The following PXDNL variants were observed in gnomAD, a reference collection of about 807,000 sequenced individuals.
PXDNL encodes the protein peroxidasin like.
PXDNL carries 145 observed loss-of-function variants against 150.8 expected under a neutral mutation model. That is an observed-to-expected ratio of 0.96 (90% CI 0.84 to 1.10). The LOEUF (loss-of-function observed/expected upper bound fraction) is 1.10, where lower values mean the gene tolerates loss of function less well. PXDNL is among the 50% of genes least tolerant of loss of function. The probability of loss-of-function intolerance (pLI) is 0.00; values close to 1 mark genes in which losing one functional copy is unlikely to be tolerated. For synonymous variants in PXDNL, 757 were observed against 725.7 expected (o/e 1.04, Z -0.69); for missense variants, 2,087 against 1,873.9 (o/e 1.11, Z -2.10).
intron 7 of PXDNL, among the ~76,000 whole-genome samples, chr8:51,473,164 C>T (rs372090078): frequency 1.3e-4 from 20 of 151,932 alleles, no homozygotes; most frequent in Non-Finnish European, 2.8e-4. Flanking sequence ...AAAAATTCAA[C>T]GTCAGTTATG....
chr8:51,371,587 C>G (rs138753018), intron 19 of PXDNL, among the ~76,000 whole-genome samples: 59 of 152,294 alleles, frequency 3.9e-4, no homozygotes, highest in African/African-American at 1.4e-3. Context: ...GGCATTTGAT[C>G]TTTGGTGCAG....
chr8:51,514,300 A>G (rs1441540089), intron 4 of PXDNL, among the ~76,000 whole-genome samples: 1 of 152,208 alleles, frequency 6.6e-6, no homozygotes, highest in African/African-American at 2.4e-5. Context: ...ATAAAATTGC[A>G]AAAAAGACTA....
chr8:51,498,243 G>T (rs1811103050), intron 5 of PXDNL, among the ~76,000 whole-genome samples: 1 of 141,380 alleles, frequency 7.1e-6, no homozygotes, highest in Admixed American at 7.5e-5. Flanking sequence ...AGAACACATG[G>T]ACACAGGAAG....
chr8:51,321,171 A>C, intron 21 of PXDNL: 1 of 301,624 alleles, frequency 3.3e-6, no homozygotes, highest in African/African-American at 2.2e-5. Flanking sequence ...AAGGGGAATT[A>C]AAATCAAATG....
chr8:51,596,800 T>C (rs1813577961), intron 2 of PXDNL, among the ~76,000 whole-genome samples: 1 of 152,188 alleles, frequency 6.6e-6, no homozygotes, highest in Admixed American at 6.5e-5. Context: ...AGATCCTAGA[T>C]AGTAGACCTT....
intron 12 of PXDNL, among the ~76,000 whole-genome samples, chr8:51,428,219 AT>A (rs537137105): frequency 6.6e-6 from 1 of 152,240 alleles, no homozygotes; most frequent in Non-Finnish European, 1.5e-5. Context: ...AAAATCAAAG[AT>A]TTAAAAAAAT....
intron 3 of PXDNL, among the ~76,000 whole-genome samples, chr8:51,572,343 G>A (rs963064882): frequency 1.3e-5 from 2 of 151,700 alleles, no homozygotes; most frequent in Non-Finnish European, 2.9e-5. Context: ...CCACACTTAA[G>A]CAAAATATAG....
intron 1 of PXDNL, among the ~76,000 whole-genome samples, chr8:51,723,591 C>T (rs552005049): frequency 1.6e-4 from 24 of 152,204 alleles, no homozygotes; most frequent in Non-Finnish European, 3.4e-4. Context: ...TGTGCATTTC[C>T]TCAGTCACAG....
At chr8:51,700,562 A>G (rs1816235552) in intron 1 of PXDNL, among the ~76,000 whole-genome samples, 1 of 106,684 alleles carries the variant, frequency 9.4e-6, no homozygotes, top group Non-Finnish European at 2.0e-5. Flanking sequence ...ATACATACAC[A>G]TTTACATATA....
chr8:51,668,138 A>G (rs973636995), intron 1 of PXDNL, among the ~76,000 whole-genome samples: 2 of 148,462 alleles, frequency 1.3e-5, no homozygotes, highest in Non-Finnish European at 3.0e-5. Context: ...CTCTTCCACA[A>G]GTTTTTACCA....
chr8:51,635,937 G>C (rs980277841), intron 2 of PXDNL, among the ~76,000 whole-genome samples: 1 of 152,002 alleles, frequency 6.6e-6, no homozygotes, highest in African/African-American at 2.4e-5. Flanking sequence ...TAGTAATAGT[G>C]ATGCAAAAAT....
In PXDNL at chr8:51,339,695, T is replaced by G. The variant is rs1805933785; in HGVS notation, c.4075A>C (p.Thr1359Pro). 6.2e-7 allele frequency: 1 copy of G among 1,613,442 alleles called. No homozygotes were observed. The highest frequency in any genetic ancestry group is 1.7e-5 in the Admixed American group (1 of 59,944). The stretch of plus-strand genomic sequence containing the variant: ...GTGCTGAAATCTTGGGAGAACTTTG[T>G]TTTTGCCAGAACTGTCACATTTCTA... Reference protein sequence around the residue: ...DARNVTVLAKTKFSQDFSTFA... With the variant: ...DARNVTVLAKPKFSQDFSTFA... The change falls in exon 21 of 23, where the codon ACA (threonine) becomes CCA (proline). Residue 1359 changes from threonine to proline, a missense_variant. By Grantham distance (38) the Thr-to-Pro change is conservative. Transcript: ENST00000356297.
At chr8:51,759,994 T>G (rs1381985828) in intron 1 of PXDNL, among the ~76,000 whole-genome samples, 2 of 152,228 alleles carry the variant, frequency 1.3e-5, no homozygotes, top group Admixed American at 6.5e-5. Context: ...CTATCAGTTC[T>G]GAGGCTACTC....
At chr8:51,399,221 T>C (rs557285370) in intron 17 of PXDNL, among the ~76,000 whole-genome samples, 1 of 152,320 alleles carries the variant, frequency 6.6e-6, no homozygotes, top group African/African-American at 2.4e-5. Flanking sequence ...CTAGAAATTA[T>C]ACTGTTAGGT....
intron 2 of PXDNL, among the ~76,000 whole-genome samples, chr8:51,608,054 A>AAAGAAAGCAAGCAAGC (rs1554557536): frequency 1.7e-4 from 19 of 111,594 alleles, no homozygotes; most frequent in Non-Finnish European, 2.3e-4. Context: ...AGAAAGAAAG[A>AAAGAAAGCAAGCAAGC]AAGCAAGCAA....
chr8:51,681,598 T>A (rs1262954367), intron 1 of PXDNL, among the ~76,000 whole-genome samples: 1 of 152,224 alleles, frequency 6.6e-6, no homozygotes, highest in Non-Finnish European at 1.5e-5. Flanking sequence ...TCCCAAGCCC[T>A]GCTGCCCTCT....
chr8:51,455,115 C>CAAAAA lies in PXDNL; in HGVS notation c.983-1335_983-1331dup, dbSNP rs536468204. Among the ~76,000 whole-genome samples, 9 of 15,858 alleles carry CAAAAA rather than the reference C, an allele frequency of 5.7e-4. 3 individuals are homozygous for CAAAAA. Among genetic ancestry groups the CAAAAA allele is most frequent in the Admixed American group, 3.2e-3 (2 of 626 alleles). The allele number at this position is 15,858 out of a possible 152,430, so 10.4% of individuals were successfully genotyped here. A position where few individuals can be genotyped will look rare whatever the true frequency, so the allele number is the denominator to read the frequency against. On this transcript the variant is annotated intron_variant, in intron 9 of 22. Coordinates refer to ENST00000356297, the MANE Select transcript of PXDNL (RefSeq NM_144651.5). ...TGGGCGACAGAGCGAGACTCCGTCTCAAAAAAAAAAAAAAAAAAGAGGTAA... is the reference window on the plus strand; with the variant it reads ...TGGGCGACAGAGCGAGACTCCGTCTCAAAAAAAAAAAAAAAAAAAAAAAGAGGTAA...
chr8:51,783,661 A>G (rs2037435543), intron 1 of PXDNL, among the ~76,000 whole-genome samples: 1 of 152,214 alleles, frequency 6.6e-6, no homozygotes, highest in Non-Finnish European at 1.5e-5. Flanking sequence ...AAACTACTGG[A>G]AAGCCATTGC....
At chr8:51,776,386 C>T (rs183153230) in intron 1 of PXDNL, among the ~76,000 whole-genome samples, 129 of 152,190 alleles carry the variant, frequency 8.5e-4, no homozygotes, top group African/African-American at 2.8e-3. Context: ...CAGAACCTGC[C>T]GACATGTGAT....
Sources: allele counts gnomAD v4.1 joint callset (sites outside exome capture counted in the v4.1 genomes callset), GRCh38; gene constraint gnomAD v4.1.1; transcripts MANE v1.5; gene names NCBI Gene and HGNC (gene_info 2026-07-23, HGNC 2026-07-21).